Variants in MYO3B observed in about 807,000 individuals in gnomAD.
MYO3B encodes myosin-IIIb.
In MYO3B, 156 loss-of-function variants were observed where a neutral mutation model predicts 174.6. The ratio of observed to expected loss-of-function variants is 0.89; its 90% CI spans 0.78 to 1.02. The LOEUF (loss-of-function observed/expected upper bound fraction) is 1.02. Ranked by LOEUF, MYO3B falls within the 50% of genes least tolerant of loss-of-function variation. The pLI is 0.00. For synonymous variants in MYO3B, 563 were observed against 569.1 expected (o/e 0.99, Z 0.15); for missense variants, 1,632 against 1,639.4 (o/e 1.00, Z 0.08).
At chr2:170,618,015 T>C (rs7574234) in intron 32 of MYO3B, among the ~76,000 whole-genome samples, 105,619 of 152,008 alleles carry the variant, frequency 0.69, 37,207 homozygotes, top group African/African-American at 0.81. Context: ...AGCCCTGATA[T>C]CAAGTGTCCT....
chr2:170,407,881 CT>C, intron 22 of MYO3B, 37 bp downstream of exon 22: 1 of 1,610,866 alleles, frequency 6.2e-7, no homozygotes. Flanking sequence ...GCTCTTAAAG[CT>C]TTTGCAAGAC....
At position 170,299,749 on chromosome 2, in the gene MYO3B, G is replaced by T. The variant is rs1273213025; in HGVS notation, c.750-35636G>T. ...TGTTCTCAGGACACTGAGTATAAAT[G>T]GAAATAAACCCAATTCTTAGATGTC... On this transcript the variant is annotated intron_variant, in intron 7 of 34. Coordinates refer to ENST00000408978, the MANE Select transcript of MYO3B (RefSeq NM_138995.5). Among the ~76,000 whole-genome samples, 4 of 152,262 alleles carry T rather than the reference G, an allele frequency of 2.6e-5. No individual in the cohort carries two copies. The East Asian group carries it at 5.8e-4, about 22-fold the overall frequency.
At chr2:170,589,996 G>A (rs1207256487) in intron 32 of MYO3B, among the ~76,000 whole-genome samples, 2 of 152,156 alleles carry the variant, frequency 1.3e-5, no homozygotes, top group East Asian at 3.8e-4. Flanking sequence ...GTAATATGAT[G>A]TACAGGTTTG....
At chr2:170,296,357 AT>A (rs1474970552) in intron 7 of MYO3B, among the ~76,000 whole-genome samples, 1 of 152,194 alleles carries the variant, frequency 6.6e-6, no homozygotes, top group Non-Finnish European at 1.5e-5. Context: ...ACAAGTTGCT[AT>A]TCTGTCCGTA....
At chr2:170,207,717 C>G (rs530914148) in intron 3 of MYO3B, among the ~76,000 whole-genome samples, 2 of 151,650 alleles carry the variant, frequency 1.3e-5, no homozygotes, top group South Asian at 4.2e-4. Context: ...AAAGTGCATC[C>G]CAGGGGTTCA....
At chr2:170,616,688 C>A (rs1287403158) in intron 32 of MYO3B, among the ~76,000 whole-genome samples, 1 of 152,110 alleles carries the variant, frequency 6.6e-6, no homozygotes, top group Non-Finnish European at 1.5e-5. Flanking sequence ...ATACACAGAA[C>A]AAAATTAACG....
intron 30 of MYO3B, among the ~76,000 whole-genome samples, chr2:170,534,143 C>T (rs1023373203): frequency 6.6e-6 from 1 of 152,126 alleles, no homozygotes; most frequent in Non-Finnish European, 1.5e-5. Flanking sequence ...TTTGTGCCAC[C>T]CTGTGTTGAG....
rs113099769 is a variant in MYO3B at position 170,556,526 on chromosome 2, C to CTTT, written c.3733+12548_3733+12550dup. Among the ~76,000 whole-genome samples, 8 of 147,724 alleles carry CTTT rather than the reference C, an allele frequency of 5.4e-5. No individual in the cohort carries two copies. The South Asian group carries it at 8.6e-4, about 16-fold the overall frequency. On this transcript the variant is annotated intron_variant, in intron 32 of 34. Coordinates refer to ENST00000408978, the MANE Select transcript of MYO3B (RefSeq NM_138995.5). Reference sequence around the variant, plus strand: ...GGGTCGTCAGTATCTTGGATTTTTACTTTTTTTTTTTTGAGACAGAGTTTA... The same window carrying CTTT: ...GGGTCGTCAGTATCTTGGATTTTTACTTTTTTTTTTTTTTTGAGACAGAGTTTA...
chr2:170,260,617 G>T (rs2093338501), intron 7 of MYO3B, among the ~76,000 whole-genome samples: 1 of 152,202 alleles, frequency 6.6e-6, no homozygotes, highest in Non-Finnish European at 1.5e-5. Context: ...CTACTTGGGT[G>T]ATGGGACCAA....
chr2:170,598,098 G>A, intron 32 of MYO3B, among the ~76,000 whole-genome samples: 1 of 152,238 alleles, frequency 6.6e-6, no homozygotes, highest in East Asian at 1.9e-4. Flanking sequence ...ACCATCTTGA[G>A]AAACTTGTGA....
At chr2:170,394,387 C>T (rs759081399) in intron 16 of MYO3B, among the ~76,000 whole-genome samples, 11 of 152,028 alleles carry the variant, frequency 7.2e-5, no homozygotes, top group Non-Finnish European at 1.3e-4. Context: ...GGATAAACAA[C>T]GTTGAAAACT....
intron 7 of MYO3B, among the ~76,000 whole-genome samples, chr2:170,237,231 TA>T (rs1220478830): frequency 2.6e-5 from 4 of 152,180 alleles, no homozygotes. Context: ...ATGCAGGAGC[TA>T]AAAGCTGCAT....
intron 32 of MYO3B, among the ~76,000 whole-genome samples, chr2:170,628,320 C>T (rs1314720080): frequency 1.3e-5 from 2 of 152,168 alleles, no homozygotes; most frequent in Non-Finnish European, 1.5e-5. Context: ...ATGAGCGAGG[C>T]TCCGTGGGCA....
intron 1 of MYO3B, among the ~76,000 whole-genome samples, chr2:170,181,283 C>T (rs1251730594): frequency 6.6e-6 from 1 of 151,872 alleles, no homozygotes; most frequent in Non-Finnish European, 1.5e-5. Flanking sequence ...AAATATTGAC[C>T]TTGTTTGTAT....
At chr2:170,499,925 C>T (rs1687141004) in intron 27 of MYO3B, 117 bp downstream of exon 27, 5 of 739,708 alleles carry the variant, frequency 6.8e-6, no homozygotes, top group Non-Finnish European at 1.1e-5. Context: ...CTTCTCCCCT[C>T]CCTCCCTCCC....
chr2:170,614,318 A>C (rs1695310169), intron 32 of MYO3B, among the ~76,000 whole-genome samples: 1 of 152,204 alleles, frequency 6.6e-6, no homozygotes, highest in Admixed American at 6.5e-5. Context: ...CACCTGACAC[A>C]AAGCACACTA....
At chr2:170,262,270 A>C (rs1020100559) in intron 7 of MYO3B, among the ~76,000 whole-genome samples, 1 of 152,174 alleles carries the variant, frequency 6.6e-6, no homozygotes, top group Non-Finnish European at 1.5e-5. Flanking sequence ...GCTGTGCAAA[A>C]GTGGGTCCAG....
At chr2:170,417,939 A>ATCCCAC (rs1249030381) in intron 22 of MYO3B, among the ~76,000 whole-genome samples, 1 of 152,178 alleles carries the variant, frequency 6.6e-6, no homozygotes, top group African/African-American at 2.4e-5. Flanking sequence ...GTATAATAGG[A>ATCCCAC]TCTTTCTGAG....
At chr2:170,471,440 A>G (rs570494915) in intron 25 of MYO3B, among the ~76,000 whole-genome samples, 27 of 152,082 alleles carry the variant, frequency 1.8e-4, no homozygotes, top group Non-Finnish European at 3.7e-4. Context: ...TGTTGCTCGT[A>G]CTTTTGGTAT....
Sources: allele counts gnomAD v4.1 joint callset (sites outside exome capture counted in the v4.1 genomes callset), GRCh38; gene constraint gnomAD v4.1.1; transcripts MANE v1.5; gene names NCBI Gene and HGNC (gene_info 2026-07-23, HGNC 2026-07-21).